RPRD2: variants seen among roughly 807,000 people sequenced by gnomAD.
RPRD2 encodes regulation of nuclear pre-mRNA domain-containing protein 2.
Under a neutral mutation model 104.4 loss-of-function variants are expected in RPRD2, and 12 were observed. That is an observed-to-expected ratio of 0.11 (90% CI 0.07 to 0.19). The LOEUF is 0.19. RPRD2 is among the 10% of genes least tolerant of loss of function. The pLI is 1.00. For missense variants in RPRD2, 1,543 were observed against 1,790.1 expected, an observed-to-expected ratio of 0.86 and a Z score of 2.49; for synonymous variants, 714 against 684.9, an observed-to-expected ratio of 1.04 and a Z score of -0.66.
At chr1:150,409,325 G>C (rs1178941876) in intron 1 of RPRD2, among the ~76,000 whole-genome samples, 9 of 152,132 alleles carry the variant, frequency 5.9e-5, no homozygotes, top group Admixed American at 4.6e-4. Flanking sequence ...CATTTACAGA[G>C]AAGTCTTAGG....
intron 1 of RPRD2, among the ~76,000 whole-genome samples, chr1:150,385,156 A>C (rs1560155782): frequency 6.6e-6 from 1 of 152,224 alleles, no homozygotes; most frequent in Non-Finnish European, 1.5e-5. Context: ...TTTGAAATTC[A>C]TAAAATTGAA....
At chr1:150,470,496 TACATTGTTTGC>T (rs1279156500) in intron 10 of RPRD2, 54 bp from the exon 11 acceptor site, 1 of 1,496,376 alleles carries the variant, frequency 6.7e-7, no homozygotes, top group Non-Finnish European at 9.0e-7. Flanking sequence ...CTGATTAGCC[TACATTGTTTGC>T]ATTGTATGAT....
At position 150,385,978 on chromosome 1, in the gene RPRD2, G is replaced by A. The variant is rs782819104; in HGVS notation, c.205+21059G>A. Among the ~76,000 whole-genome samples, 8 of 152,214 alleles carry A rather than the reference G, an allele frequency of 5.3e-5. No homozygotes were observed. The East Asian group carries it at 5.8e-4, about 11-fold the overall frequency. Reference sequence around the variant, plus strand: ...AGTTTCCTGAGTTGAGTAATAAATCGTAGGTAAGTAGGGTAGAGTTTGTAT... The same window carrying A: ...AGTTTCCTGAGTTGAGTAATAAATCATAGGTAAGTAGGGTAGAGTTTGTAT... On this transcript the variant is annotated intron_variant, in intron 1 of 10. Coordinates refer to ENST00000369068, the MANE Select transcript of RPRD2 (RefSeq NM_015203.5).
Position 150,364,675 on chromosome 1 carries a change from C to A in RPRD2, c.-40C>A. 8.0e-7 allele frequency: 1 copy of A among 1,249,668 alleles called. No homozygotes were observed. The highest frequency in any genetic ancestry group is 1.1e-6 in the Non-Finnish European group (1 of 902,154). 77.4% of individuals were successfully genotyped at this position (1,249,668 alleles called of 1,614,324 possible). On this transcript the variant is annotated 5_prime_UTR_variant, in exon 1 of 11. Transcript: ENST00000369068. ...CCGCTCCCGCCGCCGCCGCCGCCGC[C>A]GCCGCCAGAGGAGCAGCAGCGCTTG...
chr1:150,433,878 GTTATA>G (rs1179394533), intron 2 of RPRD2, among the ~76,000 whole-genome samples: 27 of 67,668 alleles, frequency 4.0e-4, no homozygotes, highest in African/African-American at 5.7e-4. Flanking sequence ...GTTATATATA[GTTATA>G]TTATGTGTAT....
In RPRD2 at chr1:150,411,968, C is replaced by A. The variant is rs587610471; in HGVS notation, c.206-5628C>A. On this transcript the variant is annotated intron_variant, in intron 1 of 10. Coordinates refer to ENST00000369068, the MANE Select transcript of RPRD2 (RefSeq NM_015203.5). ...TGGTAAACCCTGTCTACTAAAAATA[C>A]AAAAATTAGCCGGGCATGGTGGCAA... Among the ~76,000 whole-genome samples, 20 of 151,620 alleles carry A rather than the reference C, an allele frequency of 1.3e-4. No homozygotes were observed. In the East Asian group the frequency reaches 3.9e-3, roughly 29 times the overall value.
chr1:150,370,062 G>GT (rs1660186237), intron 1 of RPRD2, among the ~76,000 whole-genome samples: 1 of 151,890 alleles, frequency 6.6e-6, no homozygotes, highest in African/African-American at 2.4e-5. Flanking sequence ...GATTACAGGC[G>GT]TGAGCCACCA....
chr1:150,431,473 A>G (rs1315100105), intron 2 of RPRD2, among the ~76,000 whole-genome samples: 1 of 78,848 alleles, frequency 1.3e-5, no homozygotes. Context: ...AAAAGGAAGG[A>G]TTTTTTTTTT....
rs770319578 is a variant in RPRD2 at position 150,471,894 on chromosome 1, C to T, written c.2946C>T (p.Ala982=). 5.9e-5 allele frequency: 96 copies of T among 1,613,830 alleles called. No homozygotes were observed. The highest frequency in any genetic ancestry group is 7.0e-5 in the Non-Finnish European group (83 of 1,179,892). ...TTTTCTCTCCGCAGAACACCCTTGC[C>T]GCTCCCACGGGTCACCCACCCACGT... The part of the protein sequence containing the change: ...RSLFSPQNTL[A]APTGHPPTSG... The change falls in exon 11 of 11, where the codon GCC becomes GCT. Residue 982 remains alanine, a synonymous_variant. Transcript: ENST00000369068. The surrounding 1 kb of genome is among the most constrained non-coding windows in gnomAD (Gnocchi z 5.3).
At chr1:150,461,540 A>C (rs1298002319) in intron 9 of RPRD2, among the ~76,000 whole-genome samples, 2 of 152,140 alleles carry the variant, frequency 1.3e-5, no homozygotes, top group Admixed American at 6.5e-5. Flanking sequence ...GTATGTTTCC[A>C]GTTTTTTACT....
At chr1:150,433,509 A>G (rs1266455942) in intron 2 of RPRD2, among the ~76,000 whole-genome samples, 2 of 140,800 alleles carry the variant, frequency 1.4e-5, no homozygotes, top group African/African-American at 5.4e-5. Context: ...CAGTGGCGCA[A>G]TCTCAGCTCA....
intron 7 of RPRD2, among the ~76,000 whole-genome samples, chr1:150,447,334 C>CT (rs34565214): frequency 1.9e-3 from 264 of 136,144 alleles, no homozygotes; most frequent in South Asian, 3.9e-3. Context: ...AATTAAGGAA[C>CT]TTTTTTTTTT....
chr1:150,438,347 C>G (rs1346518066), intron 2 of RPRD2, among the ~76,000 whole-genome samples: 1 of 151,422 alleles, frequency 6.6e-6, no homozygotes, highest in Non-Finnish European at 1.5e-5. Flanking sequence ...GTTCTGAGGC[C>G]AGGTGCGGTG....
chr1:150,399,282 G>A (rs187479625), intron 1 of RPRD2, among the ~76,000 whole-genome samples: 168 of 152,274 alleles, frequency 1.1e-3, no homozygotes, highest in African/African-American at 3.7e-3. Flanking sequence ...GGGATTACAG[G>A]CATAGAAGTT....
chr1:150,370,759 A>G (rs1439526825), intron 1 of RPRD2, among the ~76,000 whole-genome samples: 1 of 151,796 alleles, frequency 6.6e-6, no homozygotes, highest in Non-Finnish European at 1.5e-5. Context: ...ATTTTTTTGT[A>G]GAGATGGGGT....
At chr1:150,388,351 C>T (rs12732604) in intron 1 of RPRD2, among the ~76,000 whole-genome samples, 10 of 104,138 alleles carry the variant, frequency 9.6e-5, no homozygotes, top group Non-Finnish European at 2.0e-4. Context: ...TATACACACA[C>T]ATATACATAT....
chr1:150,451,606 C>T lies in RPRD2; in HGVS notation c.870+5205C>T, dbSNP rs1227756470. ...AGGAGAATGGCGTGAACCTGGGAGG[C>T]GGAGCTTGCAGGGAGCCGAGATCGC... On this transcript the variant is annotated intron_variant, in intron 7 of 10. Transcript: ENST00000369068. Among the ~76,000 whole-genome samples the T allele has an allele frequency of 6.2e-4, 89 of 144,246 alleles. 1 individual carries two copies. Among genetic ancestry groups the T allele is most frequent in the African/African-American group, 2.3e-3 (88 of 38,746 alleles). The allele number at this position is 144,246 out of a possible 152,430, so 94.6% of individuals were successfully genotyped here.
At chr1:150,452,158 A>AAAG (rs1667229095) in intron 7 of RPRD2, among the ~76,000 whole-genome samples, 2 of 97,880 alleles carry the variant, frequency 2.0e-5, no homozygotes, top group African/African-American at 9.1e-5. Flanking sequence ...AAAAAAAAAA[A>AAAG]AGAGAGAGAG....
chr1:150,368,756 G>A (rs1239549062), intron 1 of RPRD2, among the ~76,000 whole-genome samples: 3 of 151,604 alleles, frequency 2.0e-5, no homozygotes, highest in East Asian at 1.9e-4. Flanking sequence ...GTGAGCCGCC[G>A]CACCCGGTAC....
Sources: allele counts gnomAD v4.1 joint callset (sites outside exome capture counted in the v4.1 genomes callset), GRCh38; gene constraint gnomAD v4.1.1; non-coding constraint Gnocchi (gnomAD v3.1); transcripts MANE v1.5; gene names NCBI Gene and HGNC (gene_info 2026-07-23, HGNC 2026-07-21).